Variants in GPC5 observed in about 807,000 individuals in gnomAD.
The protein encoded by GPC5 is glypican-5.
Under a neutral mutation model 53.9 loss-of-function variants are expected in GPC5, and 47 were observed. The observed-to-expected ratio is 0.87, with a 90% CI of 0.69 to 1.11. The LOEUF (loss-of-function observed/expected upper bound fraction) is 1.11, where lower values mean the gene tolerates loss of function less well. Ranked by LOEUF, GPC5 falls within the 50% of genes most tolerant of loss-of-function variation. The pLI, the probability that GPC5 is intolerant of heterozygous loss-of-function variation, is 0.00. For synonymous variants in GPC5, 286 were observed against 263.3 expected (o/e 1.09, Z -0.84); for missense variants, 748 against 713.1 (o/e 1.05, Z -0.56).
intron 2 of GPC5, among the ~76,000 whole-genome samples, chr13:91,456,072 C>T (rs1302638118): frequency 6.6e-6 from 1 of 152,078 alleles, no homozygotes; most frequent in African/African-American, 2.4e-5. Context: ...TGATACTCTC[C>T]TCTCCTCCCC....
intron 7 of GPC5, among the ~76,000 whole-genome samples, chr13:92,826,915 T>G (rs1877869034): frequency 6.6e-6 from 1 of 152,136 alleles, no homozygotes; most frequent in Non-Finnish European, 1.5e-5. Flanking sequence ...GCAGGAGTTT[T>G]GGGGGATATT....
chr13:92,278,184 A>T (rs868512496), intron 7 of GPC5, among the ~76,000 whole-genome samples: 3 of 151,960 alleles, frequency 2.0e-5, no homozygotes, highest in Middle Eastern at 3.4e-3. Flanking sequence ...TTTGGTAAAC[A>T]AAGTGTGGTC....
intron 7 of GPC5, among the ~76,000 whole-genome samples, chr13:92,676,957 T>C: frequency 6.6e-6 from 1 of 152,068 alleles, no homozygotes; most frequent in Admixed American, 6.6e-5. Context: ...GCCAATATTT[T>C]GATATAAGTC....
chr13:91,883,398 T>C (rs1168378816), intron 5 of GPC5, among the ~76,000 whole-genome samples: 2 of 152,186 alleles, frequency 1.3e-5, no homozygotes, highest in Non-Finnish European at 2.9e-5. Flanking sequence ...TAGACCTATT[T>C]TTTGACGAGA....
At chr13:92,710,355 T>C (rs1210518095) in intron 7 of GPC5, among the ~76,000 whole-genome samples, 1 of 152,026 alleles carries the variant, frequency 6.6e-6, no homozygotes, top group Admixed American at 6.6e-5. Context: ...ACCATCCTAA[T>C]GTGACAGAGA....
intron 6 of GPC5, among the ~76,000 whole-genome samples, chr13:91,919,827 C>A (rs1374430335): frequency 6.6e-6 from 1 of 152,172 alleles, no homozygotes; most frequent in African/African-American, 2.4e-5. Context: ...AACTAAATGA[C>A]AGTTCACATA....
chr13:91,455,001 A>T (rs1881439185), intron 2 of GPC5, among the ~76,000 whole-genome samples: 1 of 152,096 alleles, frequency 6.6e-6, no homozygotes, highest in African/African-American at 2.4e-5. Context: ...GGGAGATTAC[A>T]ACTAGTTATG....
intron 7 of GPC5, among the ~76,000 whole-genome samples, chr13:92,350,904 T>A (rs1157002899): frequency 1.3e-5 from 2 of 152,060 alleles, no homozygotes; most frequent in African/African-American, 4.8e-5. Flanking sequence ...AGATATCAAA[T>A]TTCTCAACAC....
At chr13:91,853,338 C>T (rs535279691) in intron 5 of GPC5, among the ~76,000 whole-genome samples, 1 of 151,938 alleles carries the variant, frequency 6.6e-6, no homozygotes, top group South Asian at 2.1e-4. Flanking sequence ...TTTAAAATAT[C>T]ATAGTTGATA....
At chr13:92,441,023 A>G (rs1016630577) in intron 7 of GPC5, among the ~76,000 whole-genome samples, 4 of 152,022 alleles carry the variant, frequency 2.6e-5, no homozygotes, top group Admixed American at 1.3e-4. Context: ...TTCCTATGAT[A>G]GTTTTCTCTT....
At chr13:91,522,826 C>T (rs1362591740) in intron 2 of GPC5, among the ~76,000 whole-genome samples, 1 of 152,182 alleles carries the variant, frequency 6.6e-6, no homozygotes, top group Non-Finnish European at 1.5e-5. Flanking sequence ...TCATCCATGT[C>T]CCTGCAAAGG....
chr13:92,578,712 C>A (rs1440849085), intron 7 of GPC5, among the ~76,000 whole-genome samples: 1 of 152,144 alleles, frequency 6.6e-6, no homozygotes, highest in East Asian at 1.9e-4. Context: ...GATTTAAACG[C>A]TAATCCCTTC....
At chr13:92,504,210 A>G (rs1158619152) in intron 7 of GPC5, among the ~76,000 whole-genome samples, 1 of 151,986 alleles carries the variant, frequency 6.6e-6, no homozygotes, top group Admixed American at 6.6e-5. Flanking sequence ...AATGAACTAC[A>G]TTTCTCTATA....
intron 7 of GPC5, among the ~76,000 whole-genome samples, chr13:92,317,552 G>C (rs549077302): frequency 2.6e-5 from 4 of 152,038 alleles, no homozygotes; most frequent in Admixed American, 6.6e-5. Flanking sequence ...GAAGTGCAGT[G>C]GTGTGATCCT....
chr13:92,407,754 T>C (rs1875856491), intron 7 of GPC5, among the ~76,000 whole-genome samples: 1 of 152,164 alleles, frequency 6.6e-6, no homozygotes, highest in South Asian at 2.1e-4. Flanking sequence ...AGAAATCTAA[T>C]ATAAAATATT....
At chr13:91,788,822 A>G (rs757816140) in intron 5 of GPC5, among the ~76,000 whole-genome samples, 4 of 152,178 alleles carry the variant, frequency 2.6e-5, no homozygotes, top group Non-Finnish European at 4.4e-5. Context: ...AAAACAATAC[A>G]TTTGGGGGGA....
chr13:92,518,745 A>T (rs967503373), intron 7 of GPC5, among the ~76,000 whole-genome samples: 3 of 152,196 alleles, frequency 2.0e-5, no homozygotes, highest in Admixed American at 6.5e-5. Context: ...ACCAGCTAAC[A>T]TCATAATGAC....
intron 2 of GPC5, among the ~76,000 whole-genome samples, chr13:91,596,154 A>G (rs2139193034): frequency 6.6e-6 from 1 of 152,348 alleles, no homozygotes; most frequent in East Asian, 1.9e-4. Flanking sequence ...GATATTTCAT[A>G]TAGCCATTCT....
chr13:92,481,998 G>T (rs1179060812), intron 7 of GPC5, among the ~76,000 whole-genome samples: 1 of 152,012 alleles, frequency 6.6e-6, no homozygotes, highest in Admixed American at 6.6e-5. Flanking sequence ...GGGTGTCGGG[G>T]TGGGCACCTG....
Sources: allele counts gnomAD v4.1 joint callset (sites outside exome capture counted in the v4.1 genomes callset), GRCh38; gene constraint gnomAD v4.1.1; transcripts MANE v1.5; gene names NCBI Gene and HGNC (gene_info 2026-07-23, HGNC 2026-07-21).